The following ARHGEF28 variants were observed in gnomAD, a reference collection of about 807,000 sequenced individuals.
The protein encoded by ARHGEF28 is 190 kDa guanine nucleotide exchange factor.
Under a neutral mutation model 206.6 loss-of-function variants are expected in ARHGEF28, and 152 were observed. That is an observed-to-expected ratio of 0.74 (90% CI 0.64 to 0.84). ARHGEF28 has a LOEUF of 0.84. Among genes scored for constraint, ARHGEF28 ranks in the 40% least tolerant of loss-of-function variants. ARHGEF28 has a pLI of 0.00. For missense variants in ARHGEF28, 2,028 were observed against 2,073.2 expected, an observed-to-expected ratio of 0.98 and a Z score of 0.42; for synonymous variants, 763 against 776.4, an observed-to-expected ratio of 0.98 and a Z score of 0.29.
In ARHGEF28 at chr5:73,885,853, G is replaced by A; in HGVS notation, c.3059G>A (p.Arg1020Lys). The stretch of plus-strand genomic sequence containing the variant: ...TTTGTTTCTTTTTCCCACGCAGAAA[G>A]AACTGAGGAACATAAAGACTTACGC... ...VERILQYTKERTEEHKDLRKA... is the reference protein window; with the variant it reads ...VERILQYTKEKTEEHKDLRKA... The change falls in exon 25 of 36, where the codon AGA becomes AAA. Residue 1020 changes from arginine (R) to lysine (K), a missense_variant. By Grantham distance (26) the Arg-to-Lys change is conservative. Around this residue, in one of 3 missense-constraint regions of ARHGEF28, gnomAD observed 223 missense variants for 289.9 expected, o/e 0.77. Coordinates refer to ENST00000513042, the MANE Select transcript of ARHGEF28 (RefSeq NM_001177693.2). 1 of 1,606,316 alleles carries A rather than the reference G, an allele frequency of 6.2e-7. No homozygotes were observed. The highest frequency in any genetic ancestry group is 8.5e-7 in the Non-Finnish European group (1 of 1,176,976).
intron 35 of ARHGEF28, among the ~76,000 whole-genome samples, chr5:73,929,061 G>A (rs962019835): frequency 7.9e-5 from 12 of 152,132 alleles, no homozygotes; most frequent in African/African-American, 1.4e-4. Flanking sequence ...TCAGCCTCCT[G>A]AGAAAAGTTC....
At chr5:73,782,559 C>A (rs763213431) in intron 7 of ARHGEF28, among the ~76,000 whole-genome samples, 12 of 152,180 alleles carry the variant, frequency 7.9e-5, no homozygotes, top group Non-Finnish European at 1.6e-4. Flanking sequence ...TGGGTTAAGC[C>A]CGAGCAGCTG....
At position 73,837,710 on chromosome 5, in the gene ARHGEF28, T is replaced by TCTTC. The variant is rs545384858; in HGVS notation, c.1147-2754_1147-2751dup. On this transcript the variant is annotated intron_variant, in intron 10 of 35. Transcript: ENST00000513042. The stretch of plus-strand genomic sequence containing the variant: ...TTTTCTTTCGTTCTCTTTCTTTCTT[T>TCTTC]CTTCCTTCCTTCCTTCCTTTCTTTC... Among the ~76,000 whole-genome samples the TCTTC allele has an allele frequency of 3.9e-3, 588 of 150,954 alleles. 2 individuals carry two copies. The highest frequency in any genetic ancestry group is 0.014 in the South Asian group (68 of 4,778).
chr5:73,754,151 A>T (rs958147941), intron 4 of ARHGEF28, among the ~76,000 whole-genome samples: 1 of 152,106 alleles, frequency 6.6e-6, no homozygotes. Flanking sequence ...GGTAAATTCT[A>T]GTTGTAAGTT....
intron 3 of ARHGEF28, 115 bp from the exon 4 acceptor site, chr5:73,752,794 T>A (rs1752083815): frequency 8.2e-7 from 1 of 1,218,018 alleles, no homozygotes; most frequent in African/African-American, 1.5e-5. Context: ...CTTTCTGCTT[T>A]GTTCTCCTGG....
intron 7 of ARHGEF28, among the ~76,000 whole-genome samples, chr5:73,785,950 T>G (rs1406314932): frequency 6.6e-6 from 1 of 150,780 alleles, no homozygotes; most frequent in Non-Finnish European, 1.5e-5. Context: ...AGATTCAGGC[T>G]GGACAGGTGG....
intron 9 of ARHGEF28, among the ~76,000 whole-genome samples, chr5:73,814,888 G>A (rs966054616): frequency 6.6e-6 from 1 of 152,184 alleles, no homozygotes; most frequent in Non-Finnish European, 1.5e-5. Flanking sequence ...TCTAGGGCTA[G>A]TAGAAAGACT....
At chr5:73,826,266 T>A (rs550203983) in intron 9 of ARHGEF28, among the ~76,000 whole-genome samples, 1 of 152,278 alleles carries the variant, frequency 6.6e-6, no homozygotes, top group South Asian at 2.1e-4. Context: ...TTCAGCAGAG[T>A]GTTAGGAATT....
chr5:73,781,371 T>C (rs1434201519), intron 7 of ARHGEF28, among the ~76,000 whole-genome samples: 1 of 152,204 alleles, frequency 6.6e-6, no homozygotes. Context: ...TATAATACAT[T>C]GTTCCTACTC....
rs775085263 is a variant in ARHGEF28 at position 73,873,126 on chromosome 5, T to C, written c.2694T>C (p.Asp898=). The C allele has an allele frequency of 1.2e-6, 2 of 1,613,040 alleles. No homozygotes were observed. The highest frequency in any genetic ancestry group is 2.2e-5 in the South Asian group (2 of 90,798). The part of the protein sequence containing the change: ...STVDKIFPCL[D]ELLEIHRHFF... ...TGGATAAAATTTTCCCCTGTTTAGA[T>C]GAGTTGCTTGAAATCCACAGGCATT... is the stretch of plus-strand genomic sequence containing the variant. Residue 898 remains aspartate, a synonymous_variant, in exon 22 of 36, where the codon GAT becomes GAC. Transcript: ENST00000513042.
chr5:73,749,825 T>C lies in ARHGEF28; in HGVS notation c.34-12T>C, dbSNP rs747206349. On this transcript the variant is annotated splice_polypyrimidine_tract_variant and intron_variant, in intron 2 of 35. Transcript: ENST00000513042. ...GGAAGTCTGACAATGCCCCGACTTATTCCTTTTTCAGGGGCAGATGATGAT... is the reference window on the plus strand; with the variant it reads ...GGAAGTCTGACAATGCCCCGACTTACTCCTTTTTCAGGGGCAGATGATGAT... 9.3e-6 allele frequency: 15 copies of C among 1,613,752 alleles called. No homozygotes were observed. Among genetic ancestry groups the C allele is most frequent in the South Asian group, 8.8e-5 (8 of 91,050 alleles).
intron 9 of ARHGEF28, among the ~76,000 whole-genome samples, chr5:73,817,103 T>C (rs1042710996): frequency 6.6e-6 from 1 of 152,260 alleles, no homozygotes; most frequent in Non-Finnish European, 1.5e-5. Flanking sequence ...CATACTTTAG[T>C]ATAAATCATT....
chr5:73,742,540 T>C (rs1214693526), intron 2 of ARHGEF28, among the ~76,000 whole-genome samples: 1 of 151,850 alleles, frequency 6.6e-6, no homozygotes, highest in Admixed American at 6.6e-5. Flanking sequence ...AAAAGTACTT[T>C]CAGGCCGGGC....
intron 1 of ARHGEF28, among the ~76,000 whole-genome samples, chr5:73,670,767 C>A (rs909080177): frequency 1.3e-5 from 2 of 152,114 alleles, no homozygotes; most frequent in Non-Finnish European, 2.9e-5. Context: ...TATTCATTTG[C>A]CATCTGTATA....
intron 7 of ARHGEF28, 110 bp from the exon 8 acceptor site, chr5:73,794,290 ATC>A: frequency 1.3e-6 from 1 of 798,874 alleles, no homozygotes; most frequent in Non-Finnish European, 2.0e-6. Context: ...CTAAAAACCT[ATC>A]TCTGTGCAGA....
At chr5:73,750,051 G>A in intron 3 of ARHGEF28, 67 bp downstream of exon 3, 1 of 1,569,872 alleles carries the variant, frequency 6.4e-7, no homozygotes, top group Non-Finnish European at 8.6e-7. Flanking sequence ...CAGGGCTGTA[G>A]GCCAGGAAGA....
At chr5:73,742,827 T>G (rs933843725) in intron 2 of ARHGEF28, among the ~76,000 whole-genome samples, 1 of 131,672 alleles carries the variant, frequency 7.6e-6, no homozygotes, top group Non-Finnish European at 1.6e-5. Flanking sequence ...CGAGACTCCG[T>G]CTCAAAAAAA....
At chr5:73,914,747 T>G (rs1561191667) in intron 35 of ARHGEF28, among the ~76,000 whole-genome samples, 2 of 150,874 alleles carry the variant, frequency 1.3e-5, no homozygotes, top group African/African-American at 4.9e-5. Flanking sequence ...TTTTTGAGAT[T>G]GAGAGTCTCA....
At chr5:73,775,390 C>T (rs1753483957) in intron 5 of ARHGEF28, among the ~76,000 whole-genome samples, 1 of 152,266 alleles carries the variant, frequency 6.6e-6, no homozygotes, top group South Asian at 2.1e-4. Context: ...TGCTCAGGTT[C>T]AGAGACCATT....
Sources: allele counts gnomAD v4.1 joint callset (sites outside exome capture counted in the v4.1 genomes callset), GRCh38; gene constraint gnomAD v4.1.1; regional missense constraint gnomAD v4.1.1; transcripts MANE v1.5; gene names NCBI Gene and HGNC (gene_info 2026-07-23, HGNC 2026-07-21).